Variants in IL1RAPL1 observed in about 807,000 individuals in gnomAD.
IL1RAPL1 encodes the protein interleukin-1 receptor accessory protein-like 1.
IL1RAPL1 carries 3 observed loss-of-function variants against 48.4 expected under a neutral mutation model. That is an observed-to-expected ratio of 0.06 (90% confidence interval 0.03 to 0.16). The LOEUF (loss-of-function observed/expected upper bound fraction) is 0.16. Ranked by LOEUF, IL1RAPL1 falls within the 10% of genes least tolerant of loss-of-function variation. The pLI is 1.00. For synonymous variants in IL1RAPL1, 185 were observed against 187.7 expected (o/e 0.99, Z 0.12); for missense variants, 349 against 530.6 (o/e 0.66, Z 3.36).
chrX:28,669,012 G>A (rs764531525), intron 1 of IL1RAPL1, among the ~76,000 whole-genome samples: 5 of 111,494 alleles, frequency 4.5e-5, no homozygotes, highest in East Asian at 5.7e-4. Flanking sequence ...TGTTTGACAC[G>A]TATTTGATAA....
At chrX:29,410,627 A>C (rs184102737) in intron 5 of IL1RAPL1, among the ~76,000 whole-genome samples, 54 of 111,767 alleles carry the variant, frequency 4.8e-4, no homozygotes, top group African/African-American at 1.6e-3. Context: ...TTAGACCTCC[A>C]TTTGCTGCTC....
intron 5 of IL1RAPL1, among the ~76,000 whole-genome samples, chrX:29,560,386 T>C (rs1304600541): frequency 8.9e-6 from 1 of 112,034 alleles, no homozygotes; most frequent in African/African-American, 3.2e-5. Context: ...TTGTGTACTT[T>C]TGAGCTTCAT....
chrX:28,972,378 A>G (rs979096939), intron 2 of IL1RAPL1, among the ~76,000 whole-genome samples: 1 of 112,298 alleles, frequency 8.9e-6, no homozygotes, highest in Admixed American at 9.4e-5. Context: ...AGACCTTGAT[A>G]TACAGAAAGA....
chrX:29,703,023 GC>G (rs1927094602), intron 6 of IL1RAPL1, among the ~76,000 whole-genome samples: 1 of 111,955 alleles, frequency 8.9e-6, no homozygotes, highest in Non-Finnish European at 1.9e-5. Context: ...AATCATCTTA[GC>G]ATCTTCTTAC....
chrX:29,800,293 T>G (rs1929843325), intron 6 of IL1RAPL1, among the ~76,000 whole-genome samples: 1 of 111,028 alleles, frequency 9.0e-6, no homozygotes, highest in African/African-American at 3.3e-5. Flanking sequence ...CTGAACTAGA[T>G]GCTACCAACA....
chrX:28,902,082 A>G (rs1407462308), intron 2 of IL1RAPL1, among the ~76,000 whole-genome samples: 4 of 111,856 alleles, frequency 3.6e-5, no homozygotes, highest in Non-Finnish European at 7.5e-5. Flanking sequence ...CCAAAGTTCT[A>G]TATTCATGTC....
chrX:28,727,968 C>G (rs889045261), intron 1 of IL1RAPL1, among the ~76,000 whole-genome samples: 6 of 110,218 alleles, frequency 5.4e-5, no homozygotes, highest in Non-Finnish European at 1.1e-4. Context: ...ATACCTAATG[C>G]TAGATGACGA....
At chrX:29,108,470 C>T (rs1427655670) in intron 2 of IL1RAPL1, among the ~76,000 whole-genome samples, 1 of 111,169 alleles carries the variant, frequency 9.0e-6, no homozygotes, top group African/African-American at 3.3e-5. Context: ...GGCATGATCT[C>T]GGCTCACTGC....
intron 5 of IL1RAPL1, among the ~76,000 whole-genome samples, chrX:29,482,653 TTG>T (rs1434006813): frequency 8.9e-6 from 1 of 112,387 alleles, no homozygotes; most frequent in Non-Finnish European, 1.9e-5. Flanking sequence ...GAATTTCATT[TTG>T]TGGATAAAGC....
intron 5 of IL1RAPL1, among the ~76,000 whole-genome samples, chrX:29,438,204 T>G (rs1934503269): frequency 9.0e-6 from 1 of 111,255 alleles, no homozygotes; most frequent in Non-Finnish European, 1.9e-5. Flanking sequence ...GCTTTTGGTG[T>G]CTACAGGGTC....
At chrX:29,081,307 C>T (rs1480966708) in intron 2 of IL1RAPL1, among the ~76,000 whole-genome samples, 4 of 108,819 alleles carry the variant, frequency 3.7e-5, no homozygotes, top group East Asian at 2.9e-4. Context: ...CCACCCGCCT[C>T]GGCCCCCCAA....
intron 6 of IL1RAPL1, among the ~76,000 whole-genome samples, chrX:29,836,905 G>A (rs995317603): frequency 1.8e-5 from 2 of 110,364 alleles, no homozygotes; most frequent in African/African-American, 6.6e-5. Flanking sequence ...TTTGAACCCA[G>A]GAAGTCAGGT....
chrX:29,646,084 T>C (rs1173848252), intron 5 of IL1RAPL1, among the ~76,000 whole-genome samples: 1 of 111,662 alleles, frequency 9.0e-6, no homozygotes, highest in Non-Finnish European at 1.9e-5. Context: ...CAAAATAAGG[T>C]GCCATTGACT....
intron 2 of IL1RAPL1, among the ~76,000 whole-genome samples, chrX:28,960,241 C>G (rs746718556): frequency 9.0e-6 from 1 of 111,419 alleles, no homozygotes; most frequent in South Asian, 3.8e-4. Flanking sequence ...TAATTTTTCT[C>G]CTGAATATAA....
At chrX:28,608,065 T>A (rs1934106216) in intron 1 of IL1RAPL1, among the ~76,000 whole-genome samples, 1 of 111,755 alleles carries the variant, frequency 8.9e-6, no homozygotes, top group Non-Finnish European at 1.9e-5. Context: ...AAGTGTAAGA[T>A]GCTATGAACC....
chrX:29,462,594 G>T (rs1427073885), intron 5 of IL1RAPL1, among the ~76,000 whole-genome samples: 1 of 111,461 alleles, frequency 9.0e-6, no homozygotes, highest in East Asian at 2.8e-4. Context: ...ACAGCCTCTA[G>T]CAAGGTCAGT....
At chrX:29,172,803 C>T (rs749741750) in intron 2 of IL1RAPL1, among the ~76,000 whole-genome samples, 26 of 111,565 alleles carry the variant, frequency 2.3e-4, no homozygotes, top group Non-Finnish European at 4.1e-4. Context: ...AAGAATCATT[C>T]GAGTCATGAG....
chrX:29,318,605 G>A (rs1310540907), intron 3 of IL1RAPL1, among the ~76,000 whole-genome samples: 1 of 112,446 alleles, frequency 8.9e-6, no homozygotes, highest in African/African-American at 3.2e-5. Flanking sequence ...TTCACAGAAA[G>A]ATGCCTATGC....
intron 1 of IL1RAPL1, among the ~76,000 whole-genome samples, chrX:28,719,913 A>G (rs1236190058): frequency 9.0e-6 from 1 of 110,908 alleles, no homozygotes; most frequent in African/African-American, 3.3e-5. Context: ...ATAGCATAAC[A>G]TTAGAGGTAC....
Sources: gnomAD v4.1 joint callset for allele counts (sites outside exome capture counted in the v4.1 genomes callset) on GRCh38, gnomAD v4.1.1 for gene constraint, MANE v1.5 for transcripts, NCBI Gene and HGNC (gene_info 2026-07-23, HGNC 2026-07-21) for gene names.